The following TBCK variants were observed in gnomAD, a reference collection of about 807,000 sequenced individuals.
The protein encoded by TBCK is TBC domain-containing protein kinase-like protein.
TBCK carries 99 observed loss-of-function variants against 113.4 expected under a neutral mutation model. The ratio of observed to expected loss-of-function variants is 0.87; its 90% CI spans 0.74 to 1.03. TBCK has a LOEUF of 1.03. Ranked by LOEUF, TBCK falls within the 50% of genes least tolerant of loss-of-function variation. The probability of loss-of-function intolerance (pLI) is 0.00; values close to 1 mark genes in which losing one functional copy is unlikely to be tolerated. For missense variants in TBCK, 1,045 were observed against 1,061.3 expected (o/e 0.98, Z 0.21); for synonymous variants, 369 against 370.8 (o/e 1.00, Z 0.05).
rs73836992 is a variant in TBCK at position 106,116,191 on chromosome 4, T to G, written c.2411+12A>C. On this transcript the variant is annotated intron_variant, in intron 24 of 25. Transcript: ENST00000394708. Reference sequence around the variant, plus strand: ...CAGTACCACCCTTTAAAACAGCATATGCAAAGGATACTCTTCACTATTCCG... The same window carrying G: ...CAGTACCACCCTTTAAAACAGCATAGGCAAAGGATACTCTTCACTATTCCG... 3.1e-6 allele frequency: 5 copies of G among 1,613,454 alleles called. No individual in the cohort carries two copies. In the African/African-American group the frequency reaches 6.7e-5, roughly 22 times the overall value.
chr4:106,101,922 T>G (rs1437493133), intron 24 of TBCK, among the ~76,000 whole-genome samples: 8 of 152,196 alleles, frequency 5.3e-5, no homozygotes, highest in African/African-American at 1.9e-4. Flanking sequence ...CTTCTGAAAT[T>G]CATGTCACTA....
intron 23 of TBCK, among the ~76,000 whole-genome samples, chr4:106,157,027 A>C (rs899920702): frequency 6.6e-6 from 1 of 152,134 alleles, no homozygotes; most frequent in African/African-American, 2.4e-5. Context: ...TCTACTGGTT[A>C]TTCAGGGCCC....
At chr4:106,213,994 G>A (rs1560833226) in intron 19 of TBCK, among the ~76,000 whole-genome samples, 1 of 152,144 alleles carries the variant, frequency 6.6e-6, no homozygotes, top group Non-Finnish European at 1.5e-5. Flanking sequence ...GAGAGCAGTG[G>A]TTCTCCCAGC....
chr4:106,290,277 ACG>A (rs1210169544), intron 3 of TBCK, among the ~76,000 whole-genome samples: 1 of 152,096 alleles, frequency 6.6e-6, no homozygotes, highest in Non-Finnish European at 1.5e-5. Flanking sequence ...TCCCGGGTTC[ACG>A]CCATTCTCCT....
chr4:106,172,449 A>C (rs767074293), intron 22 of TBCK, among the ~76,000 whole-genome samples: 1 of 152,120 alleles, frequency 6.6e-6, no homozygotes, highest in East Asian at 1.9e-4. Context: ...GAAATTCAAG[A>C]AGTTGACTGT....
At chr4:106,312,507 C>T (rs773971542) in intron 1 of TBCK, among the ~76,000 whole-genome samples, 2 of 151,886 alleles carry the variant, frequency 1.3e-5, no homozygotes, top group Admixed American at 1.3e-4. Flanking sequence ...CTAGTGGGAG[C>T]GTAAAATGGC....
rs116849214 is a variant in TBCK, at chr4:106,189,379, C to T, written c.2059+4230G>A. Among the ~76,000 whole-genome samples the T allele has an allele frequency of 1.1e-3, 170 of 148,806 alleles. 5 individuals carry two copies. The East Asian group carries it at 0.027, about 23-fold the overall frequency. On this transcript the variant is annotated intron_variant, in intron 22 of 25. Coordinates refer to ENST00000394708, the MANE Select transcript of TBCK (RefSeq NM_001163435.3). ...AAAAAAGAAAAATAGACATGCATGA[C>T]ATGCATGAATATCATGTAGCTACAA...
At chr4:106,273,175 T>C (rs1004869945) in intron 3 of TBCK, among the ~76,000 whole-genome samples, 1 of 152,156 alleles carries the variant, frequency 6.6e-6, no homozygotes, top group Admixed American at 6.5e-5. Flanking sequence ...ATTGTAACTA[T>C]AACAACAAAA....
chr4:106,207,739 T>C (rs527846361), intron 20 of TBCK, among the ~76,000 whole-genome samples: 1 of 152,226 alleles, frequency 6.6e-6, no homozygotes, highest in East Asian at 1.9e-4. Context: ...AACAGCTGAA[T>C]TAAAAAACAA....
intron 23 of TBCK, among the ~76,000 whole-genome samples, chr4:106,170,550 C>T (rs1483081125): frequency 6.6e-6 from 1 of 152,014 alleles, no homozygotes. Flanking sequence ...AAAAGCAATA[C>T]ATACATATTA....
chr4:106,052,533 T>C (rs957406893), intron 25 of TBCK, among the ~76,000 whole-genome samples: 3 of 151,764 alleles, frequency 2.0e-5, no homozygotes, highest in Admixed American at 6.6e-5. Flanking sequence ...AACCAAGTTG[T>C]TTCTAATTTT....
At chr4:106,099,966 ACT>A (rs1180564806) in intron 24 of TBCK, among the ~76,000 whole-genome samples, 1 of 152,166 alleles carries the variant, frequency 6.6e-6, no homozygotes, top group African/African-American at 2.4e-5. Context: ...ATAGAACCTA[ACT>A]ACTTTAATTC....
rs566863533 is a variant in TBCK, at chr4:106,272,729, T to A, written c.267-10517A>T. On this transcript the variant is annotated intron_variant, in intron 3 of 25. Transcript: ENST00000394708. ...CCAGGATGGTCTCAATCTCCTGACC[T>A]CGTGATCTGCCCACGTCGGCCTCCC... 8.5e-5 allele frequency among the ~76,000 whole-genome samples: 13 copies of A among 152,078 alleles called. 1 individual carries two copies. The East Asian group carries it at 2.5e-3, about 29-fold the overall frequency.
intron 25 of TBCK, among the ~76,000 whole-genome samples, chr4:106,086,128 C>T (rs1056520698): frequency 6.8e-6 from 1 of 147,724 alleles, no homozygotes. Flanking sequence ...CATGAAAAAC[C>T]CTCCAAAAAA....
rs188441409 is a variant in TBCK at position 106,067,512 on chromosome 4, G to A, written c.2572-20832C>T. 8.1e-4 allele frequency among the ~76,000 whole-genome samples: 123 copies of A among 152,110 alleles called. 1 individual carries two copies. The highest frequency in any genetic ancestry group is 3.7e-4 in the Non-Finnish European group (25 of 67,994). On this transcript the variant is annotated intron_variant, in intron 25 of 25. Transcript: ENST00000394708. Reference sequence around the variant, plus strand: ...GAAGCACAAATTCTTACTTTTAGAAGTCCAACTTACTGTTTGTTGTCTGTG... The same window carrying A: ...GAAGCACAAATTCTTACTTTTAGAAATCCAACTTACTGTTTGTTGTCTGTG...
At chr4:106,265,555 G>A (rs7669212) in intron 3 of TBCK, among the ~76,000 whole-genome samples, 24,203 of 151,214 alleles carry the variant, frequency 0.16, 1,959 homozygotes, top group South Asian at 0.25. Context: ...AGAGCAAGAG[G>A]GAAAGAGACA....
intron 25 of TBCK, among the ~76,000 whole-genome samples, chr4:106,073,738 C>T (rs531533016): frequency 9.2e-5 from 14 of 152,296 alleles, no homozygotes; most frequent in South Asian, 4.1e-4. Flanking sequence ...TACAGAGGCA[C>T]GTAGGCCTCA....
intron 24 of TBCK, among the ~76,000 whole-genome samples, chr4:106,101,891 C>T (rs1741598949): frequency 6.6e-6 from 1 of 152,124 alleles, no homozygotes; most frequent in Non-Finnish European, 1.5e-5. Context: ...TTGTGTATTA[C>T]CATGGAAACT....
At chr4:106,094,837 C>T (rs1019596209) in intron 25 of TBCK, among the ~76,000 whole-genome samples, 2 of 152,194 alleles carry the variant, frequency 1.3e-5, no homozygotes, top group Non-Finnish European at 2.9e-5. Flanking sequence ...ATCCTGTACT[C>T]GTTCAACGTT....
Sources: gnomAD v4.1 joint callset for allele counts (sites outside exome capture counted in the v4.1 genomes callset) on GRCh38, gnomAD v4.1.1 for gene constraint, MANE v1.5 for transcripts, NCBI Gene and HGNC (gene_info 2026-07-23, HGNC 2026-07-21) for gene names.